N4BP1: variants seen among roughly 807,000 people sequenced by gnomAD.
N4BP1 encodes NEDD4-binding protein 1.
A neutral mutation model predicts 70.9 loss-of-function variants in N4BP1; 21 were observed. That is an observed-to-expected ratio of 0.30 (90% CI 0.21 to 0.43). The LOEUF is 0.43. Ranked by LOEUF, N4BP1 falls within the 20% of genes least tolerant of loss-of-function variation. N4BP1 has a pLI of 1.00. For synonymous variants in N4BP1, 387 were observed against 394.6 expected (o/e 0.98, Z 0.23); for missense variants, 936 against 1,069.4 (o/e 0.88, Z 1.74).
chr16:48,578,588 C>G (rs909856429), intron 1 of N4BP1, among the ~76,000 whole-genome samples: 1 of 152,182 alleles, frequency 6.6e-6, no homozygotes, highest in Non-Finnish European at 1.5e-5. Context: ...AACTCTTCTT[C>G]CTACTGTCAG....
Position 48,541,804 on chromosome 16 carries a change from G to A in N4BP1, c.*1100C>T, listed in dbSNP as rs1963503197. ...ATATCAATTCTGAGAAAGACTCACA[G>A]GAAAGGCTGTTTAGGAGGACACTAG... is the stretch of plus-strand genomic sequence containing the variant. On this transcript the variant is annotated 3_prime_UTR_variant, in exon 7 of 7. Transcript: ENST00000262384. The A allele has an allele frequency of 6.6e-6, 1 of 152,624 alleles. No homozygotes were observed. Among genetic ancestry groups the A allele is most frequent in the African/African-American group, 2.4e-5 (1 of 41,432 alleles). The allele number at this position is 152,624 out of a possible 1,614,324, so 9.5% of individuals were successfully genotyped here. A position where few individuals can be genotyped will look rare whatever the true frequency, so the allele number is the denominator to read the frequency against.
chr16:48,545,673 G>A (rs1044163826), intron 6 of N4BP1, among the ~76,000 whole-genome samples: 10 of 151,494 alleles, frequency 6.6e-5, no homozygotes, highest in African/African-American at 9.7e-5. Context: ...TTGAAAATCC[G>A]GGATGCTTGC....
intron 4 of N4BP1, among the ~76,000 whole-genome samples, chr16:48,548,393 AAC>A (rs1963618842): frequency 6.6e-6 from 1 of 152,242 alleles, no homozygotes; most frequent in Admixed American, 6.5e-5. Flanking sequence ...ATTATCAATA[AAC>A]AGTGTTAATA....
intron 1 of N4BP1, among the ~76,000 whole-genome samples, chr16:48,573,867 A>T (rs1964056709): frequency 6.6e-6 from 1 of 152,202 alleles, no homozygotes; most frequent in South Asian, 2.1e-4. Context: ...AGAAATTCAT[A>T]AGGAAGAGAA....
chr16:48,564,879 A>G (rs1365292285), intron 1 of N4BP1, among the ~76,000 whole-genome samples: 3 of 152,102 alleles, frequency 2.0e-5, no homozygotes, highest in Non-Finnish European at 2.9e-5. Context: ...AATCCTGTAC[A>G]TGTTTTGCTA....
chr16:48,590,748 T>C (rs192836640), intron 1 of N4BP1, among the ~76,000 whole-genome samples: 1 of 152,304 alleles, frequency 6.6e-6, no homozygotes, highest in East Asian at 1.9e-4. Flanking sequence ...GTGAGTATCC[T>C]AGGCGCTGCC....
At chr16:48,570,511 T>C (rs1287024157) in intron 1 of N4BP1, among the ~76,000 whole-genome samples, 1 of 152,128 alleles carries the variant, frequency 6.6e-6, no homozygotes, top group Non-Finnish European at 1.5e-5. Context: ...CATGCCCAGC[T>C]AATGTTTTGT....
Position 48,541,608 on chromosome 16 carries a change from C to CCGGACAGGCAGGACAGGCTTG in N4BP1, c.*1295_*1296insCAAGCCTGTCCTGCCTGTCCG, listed in dbSNP as rs1347352397. 2 of 152,438 alleles carry CCGGACAGGCAGGACAGGCTTG rather than the reference C, an allele frequency of 1.3e-5. No homozygotes were observed. The highest frequency in any genetic ancestry group is 4.8e-5 in the African/African-American group (2 of 41,446). The allele number at this position is 152,438 out of a possible 1,614,324, so 9.4% of individuals were successfully genotyped here. ...GCTCCTCAGGACTAGGAGACAAGAT[C>CCGGACAGGCAGGACAGGCTTG]CGGACAGGCAGGACAGGCAGCAAGC... On this transcript the variant is annotated 3_prime_UTR_variant, in exon 7 of 7. Coordinates refer to ENST00000262384, the MANE Select transcript of N4BP1 (RefSeq NM_153029.4).
chr16:48,564,927 T>C (rs770574626), intron 1 of N4BP1, among the ~76,000 whole-genome samples: 2 of 152,232 alleles, frequency 1.3e-5, no homozygotes, highest in Non-Finnish European at 2.9e-5. Context: ...TCTGAGTGAT[T>C]GTACAGTGTT....
chr16:48,594,009 A>C (rs1964374833), intron 1 of N4BP1, among the ~76,000 whole-genome samples: 1 of 150,694 alleles, frequency 6.6e-6, no homozygotes, highest in Non-Finnish European at 1.5e-5. Flanking sequence ...CTCAAAAAAA[A>C]AAAAAAAAAC....
At position 48,561,833 on chromosome 16, in the gene N4BP1, G is replaced by T. The variant is rs1963862610; in HGVS notation, c.810C>A (p.Thr270=). The T allele has an allele frequency of 6.2e-7, 1 of 1,613,646 alleles. No individual in the cohort carries two copies. Among genetic ancestry groups the T allele is most frequent in the African/African-American group, 1.3e-5 (1 of 74,900 alleles). Residue 270 remains threonine (T), a synonymous_variant, in exon 2 of 7, where the codon ACC becomes ACA. Coordinates refer to ENST00000262384, the MANE Select transcript of N4BP1 (RefSeq NM_153029.4). The part of the protein sequence containing the change: ...DVLFDPINGL[T]PDEEALSNER... ...CATTGGAAAGTGCCTCTTCATCTGG[G>T]GTTAGACCATTTATTGGATCAAAAA...
At chr16:48,593,037 T>C (rs1304624534) in intron 1 of N4BP1, among the ~76,000 whole-genome samples, 1 of 152,206 alleles carries the variant, frequency 6.6e-6, no homozygotes, top group Non-Finnish European at 1.5e-5. Flanking sequence ...AGGAAATTTA[T>C]GCAAGAAATG....
At chr16:48,558,469 C>A (rs1405424420) in intron 2 of N4BP1, among the ~76,000 whole-genome samples, 1 of 152,114 alleles carries the variant, frequency 6.6e-6, no homozygotes, top group East Asian at 1.9e-4. Context: ...GTGGGAGGGA[C>A]TAGATTTGCA....
At chr16:48,553,839 T>C (rs1963710726) in intron 2 of N4BP1, among the ~76,000 whole-genome samples, 170 bp from the exon 3 acceptor site, 1 of 152,236 alleles carries the variant, frequency 6.6e-6, no homozygotes, top group South Asian at 2.1e-4. Flanking sequence ...TGGAACCCAC[T>C]GTAGGGGACA....
At chr16:48,591,554 A>T (rs1964338748) in intron 1 of N4BP1, among the ~76,000 whole-genome samples, 1 of 152,132 alleles carries the variant, frequency 6.6e-6, no homozygotes, top group Admixed American at 6.5e-5. Flanking sequence ...TTTAAAAAAA[A>T]ATTTAAAAAG....
At position 48,561,030 on chromosome 16, in the gene N4BP1, A is replaced by T; in HGVS notation, c.1613T>A (p.Met538Lys). The part of the protein sequence containing the change: ...QQPEPLLPNN[M>K]KSACEKRLGC... The stretch of plus-strand genomic sequence containing the variant: ...TAAACGTTTTTCACAGGCAGATTTC[A>T]TATTATTTGGAAGCAAGGGTTCTGG... The change falls in exon 2 of 7, where the codon ATG becomes AAG. Residue 538 changes from methionine (M) to lysine (K), a missense_variant. Physicochemically the swap from Met to Lys is moderately conservative, Grantham distance 95. Transcript: ENST00000262384. The T allele has an allele frequency of 6.2e-7, 1 of 1,613,988 alleles. No homozygotes were observed. The highest frequency in any genetic ancestry group is 8.5e-7 in the Non-Finnish European group (1 of 1,179,882).
At chr16:48,597,558 C>A (rs915471434) in intron 1 of N4BP1, among the ~76,000 whole-genome samples, 4 of 152,194 alleles carry the variant, frequency 2.6e-5, no homozygotes, top group Non-Finnish European at 5.9e-5. Context: ...TCCAGCAGAA[C>A]AGCTGATGCT....
chr16:48,558,317 TA>T (rs35338858), intron 2 of N4BP1, among the ~76,000 whole-genome samples: 57,280 of 139,028 alleles, frequency 0.41, 11,868 homozygotes, highest in African/African-American at 0.57. Context: ...AAAGAAGAAA[TA>T]AAAAAAGAAA....
At chr16:48,606,396 G>T (rs145761082) in intron 1 of N4BP1, among the ~76,000 whole-genome samples, 2 of 152,238 alleles carry the variant, frequency 1.3e-5, no homozygotes, top group African/African-American at 4.8e-5. Flanking sequence ...AAGGTCCAAT[G>T]ACCTTAGCCT....
Sources: gnomAD v4.1 joint callset for allele counts (sites outside exome capture counted in the v4.1 genomes callset) on GRCh38, gnomAD v4.1.1 for gene constraint, MANE v1.5 for transcripts, NCBI Gene and HGNC (gene_info 2026-07-23, HGNC 2026-07-21) for gene names.